The following DNAH10 variants were observed in gnomAD, a reference collection of about 807,000 sequenced individuals.
The protein encoded by DNAH10 is dynein axonemal heavy chain 10.
In DNAH10, 348 loss-of-function variants were observed where a neutral mutation model predicts 506.6. The observed-to-expected ratio is 0.69, with a 90% CI of 0.63 to 0.75. The LOEUF is 0.75. Among genes scored for constraint, DNAH10 ranks in the 30% least tolerant of loss-of-function variants. The pLI is 0.00. For missense variants in DNAH10, 5,179 were observed against 5,787.1 expected, an observed-to-expected ratio of 0.89 and a Z score of 3.41; for synonymous variants, 2,059 against 2,198.6, an observed-to-expected ratio of 0.94 and a Z score of 1.78.
chr12:123,815,043 T>A (rs1273385564), intron 21 of DNAH10, among the ~76,000 whole-genome samples: 4 of 151,978 alleles, frequency 2.6e-5, no homozygotes, highest in Admixed American at 2.0e-4. Flanking sequence ...TGAATCAGAA[T>A]GTCAAATTCC....
chr12:123,849,757 C>T (rs1951088171), intron 34 of DNAH10, among the ~76,000 whole-genome samples: 1 of 152,224 alleles, frequency 6.6e-6, no homozygotes, highest in African/African-American at 2.4e-5. Context: ...GAAAATTCAG[C>T]TTGAGCTGGT....
intron 67 of DNAH10, 91 bp from the exon 68 acceptor site, chr12:123,924,959 C>T (rs1044390659): frequency 2.0e-6 from 3 of 1,537,832 alleles, no homozygotes; most frequent in Admixed American, 3.8e-5. Context: ...ATTCTCGTCC[C>T]TTTCCAGTGG....
intron 43 of DNAH10, among the ~76,000 whole-genome samples, chr12:123,868,862 G>A (rs918467746): frequency 1.3e-5 from 2 of 152,286 alleles, no homozygotes; most frequent in East Asian, 3.9e-4. Flanking sequence ...TGCTTTATTC[G>A]GTGGGAGTCT....
chr12:123,810,037 A>T (rs1300158970), intron 19 of DNAH10, among the ~76,000 whole-genome samples: 1 of 151,936 alleles, frequency 6.6e-6, no homozygotes, highest in East Asian at 1.9e-4. Flanking sequence ...TTCCTTGCTT[A>T]TTTATCTATT....
chr12:123,913,059 G>C lies in DNAH10; in HGVS notation c.10135-39G>C. On this transcript the variant is annotated intron_variant, in intron 59 of 78. Transcript: ENST00000673944. This position sits in a 1 kb window ranked among gnomAD's most constrained non-coding sequence, Gnocchi z 5.1. ...GCCATGGGATCGCGGCCCCACCACGGTCCTTTTCCCCATCTTTTTGCAAAT... is the reference window on the plus strand; with the variant it reads ...GCCATGGGATCGCGGCCCCACCACGCTCCTTTTCCCCATCTTTTTGCAAAT... 1 of 1,567,274 alleles carries C rather than the reference G, an allele frequency of 6.4e-7. No individual in the cohort carries two copies. Among genetic ancestry groups the C allele is most frequent in the African/African-American group, 1.4e-5 (1 of 73,916 alleles).
intron 26 of DNAH10, 38 bp downstream of exon 26, chr12:123,830,737 C>T: frequency 1.3e-6 from 2 of 1,523,218 alleles, no homozygotes; most frequent in Non-Finnish European, 8.8e-7. Context: ...AGAAAACAGT[C>T]TTTTTTTAAT....
chr12:123,816,450 C>G (rs1235278588), intron 21 of DNAH10, among the ~76,000 whole-genome samples: 1 of 152,188 alleles, frequency 6.6e-6, no homozygotes, highest in Non-Finnish European at 1.5e-5. Flanking sequence ...ATTTGGAGAG[C>G]TTCCAGGTTG....
intron 2 of DNAH10, among the ~76,000 whole-genome samples, chr12:123,770,107 G>T (rs1229128790): frequency 2.6e-5 from 4 of 151,668 alleles, no homozygotes; most frequent in Non-Finnish European, 2.9e-5. Context: ...AGGTAGCCAG[G>T]CATGGTGGCA....
At chr12:123,872,093 G>A (rs1041949320) in intron 45 of DNAH10, among the ~76,000 whole-genome samples, 2 of 152,284 alleles carry the variant, frequency 1.3e-5, no homozygotes, top group South Asian at 2.1e-4. Flanking sequence ...ACCTGGAGGT[G>A]AGTATGATCT....
rs760768777 is a variant in DNAH10 at position 123,897,781 on chromosome 12, A to T, written c.9292A>T (p.Met3098Leu). The T allele has an allele frequency of 6.2e-7, 1 of 1,607,458 alleles. No individual in the cohort carries two copies. The highest frequency in any genetic ancestry group is 2.2e-5 in the East Asian group (1 of 44,742). The change falls in exon 55 of 79, where the codon ATG becomes TTG. Residue 3098 changes from methionine to leucine, a missense_variant. By Grantham distance (15) the Met-to-Leu change is conservative. Coordinates refer to ENST00000673944, the MANE Select transcript of DNAH10 (RefSeq NM_001372106.1). ...TCCTTCCTCTTCAGGGTATAATCCA[A>T]TGATCCCGGCAGAAAATATAGAAAA... ...VAKSFLGYNP[M>L]IPAENIENVV...
Position 123,785,388 on chromosome 12 carries a change from C to T in DNAH10, c.1231-358C>T, listed in dbSNP as rs575228227. 2.0e-5 allele frequency among the ~76,000 whole-genome samples: 3 copies of T among 152,028 alleles called. No individual in the cohort carries two copies. Among genetic ancestry groups the T allele is most frequent in the Admixed American group, 2.0e-4 (3 of 15,270 alleles). On this transcript the variant is annotated intron_variant, in intron 8 of 78. Transcript: ENST00000673944. This position sits in a 1 kb window ranked among gnomAD's most constrained non-coding sequence, Gnocchi z 4.1. The stretch of plus-strand genomic sequence containing the variant: ...TGAAATGTCTGTTTTAATCTTTTGC[C>T]CGTTATTTATTTGAGTTATTATTAT...
intron 59 of DNAH10, among the ~76,000 whole-genome samples, chr12:123,912,383 CGGGGGGGTCTGTCCT>C (rs1954243249): frequency 4.2e-5 from 1 of 23,768 alleles, no homozygotes; most frequent in African/African-American, 2.1e-4. Context: ...GGGTCTGTCC[CGGGGGGGTCTGTCCT>C]GGGGGGGGTC....
intron 28 of DNAH10, among the ~76,000 whole-genome samples, chr12:123,838,220 A>T (rs1961381557): frequency 6.6e-6 from 1 of 152,216 alleles, no homozygotes; most frequent in African/African-American, 2.4e-5. Context: ...TTCTTACGGG[A>T]TAACGAAAAG....
intron 13 of DNAH10, among the ~76,000 whole-genome samples, chr12:123,797,834 T>A (rs1958338479): frequency 6.6e-6 from 1 of 152,234 alleles, no homozygotes; most frequent in South Asian, 2.1e-4. Context: ...CCCCCACCCA[T>A]GGATTTTTAT....
intron 5 of DNAH10, among the ~76,000 whole-genome samples, chr12:123,775,770 G>T (rs1414973245): frequency 1.3e-5 from 2 of 152,102 alleles, no homozygotes; most frequent in Admixed American, 1.3e-4. Flanking sequence ...GGAGGGGAAG[G>T]AAAGACCAAA....
chr12:123,839,662 A>ATTTTT (rs34822711), intron 29 of DNAH10, among the ~76,000 whole-genome samples: 4 of 114,822 alleles, frequency 3.5e-5, no homozygotes, highest in African/African-American at 1.0e-4. Flanking sequence ...TTTCTTTTCT[A>ATTTTT]TTTTTTTTTT....
At chr12:123,851,497 G>A (rs1195256075) in intron 35 of DNAH10, among the ~76,000 whole-genome samples, 2 of 151,270 alleles carry the variant, frequency 1.3e-5, no homozygotes, top group Non-Finnish European at 2.9e-5. Context: ...TTTTAATTTT[G>A]GAATAATGTA....
chr12:123,879,417 A>C (rs1380623034), intron 49 of DNAH10, 60 bp downstream of exon 49: 2 of 1,538,306 alleles, frequency 1.3e-6, no homozygotes, highest in African/African-American at 1.4e-5. Context: ...ACAAGCGCCA[A>C]AAGTGTTTTT....
In DNAH10 at chr12:123,931,390, C is replaced by T. The variant is rs1566124065; in HGVS notation, c.12834C>T (p.Leu4278=). 2.5e-6 allele frequency: 4 copies of T among 1,613,958 alleles called. No homozygotes were observed. Among genetic ancestry groups the T allele is most frequent in the East Asian group, 2.2e-5 (1 of 44,880 alleles). Reference sequence around the variant, plus strand: ...CCAACACGCCAGAAGTGTTTGGTCTCCACCCCAACGCTGAGATTGGCTATT... The same window carrying T: ...CCAACACGCCAGAAGTGTTTGGTCTTCACCCCAACGCTGAGATTGGCTATT... ...PLANTPEVFG[L]HPNAEIGYYT... Residue 4278 remains leucine (L), a synonymous_variant, in exon 74 of 79, where the codon CTC becomes CTT. Coordinates refer to ENST00000673944, the MANE Select transcript of DNAH10 (RefSeq NM_001372106.1).
Sources: gnomAD v4.1 joint callset for allele counts (sites outside exome capture counted in the v4.1 genomes callset) on GRCh38, gnomAD v4.1.1 for gene constraint, Gnocchi (gnomAD v3.1) non-coding constraint, MANE v1.5 for transcripts, NCBI Gene and HGNC (gene_info 2026-07-23, HGNC 2026-07-21) for gene names.